Variants in PECAM1 observed in about 807,000 individuals in gnomAD.
PECAM1 encodes platelet and endothelial cell adhesion molecule 1.
In PECAM1, 8 loss-of-function variants were observed where a neutral mutation model predicts 13.8. The observed-to-expected ratio is 0.58, with a 90% CI of 0.34 to 1.05. PECAM1 has a LOEUF of 1.05. PECAM1 is among the 50% of genes least tolerant of loss of function. The probability of loss-of-function intolerance (pLI) is 0.03; values close to 1 mark genes in which losing one functional copy is unlikely to be tolerated. For synonymous variants in PECAM1, 136 were observed against 52.6 expected (o/e 2.58, Z -6.86); for missense variants, 304 against 141.2 (o/e 2.15, Z -5.84).
chr17:64,353,971 G>A (rs2035792359), intron 9 of PECAM1, among the ~76,000 whole-genome samples: 1 of 141,354 alleles, frequency 7.1e-6, no homozygotes, highest in Non-Finnish European at 1.5e-5. Flanking sequence ...ACAGAGTCTT[G>A]CTCTGTTGCC....
Position 64,322,350 on chromosome 17 carries a change from C to T in PECAM1, c.*1466G>A. On this transcript the variant is annotated 3_prime_UTR_variant, in exon 16 of 16. Coordinates refer to ENST00000563924, the MANE Select transcript of PECAM1 (RefSeq NM_000442.5). ...GCAGTGAGCAGAGGTTGCGCCGCTG[C>T]AGTCCAGCCCGGGCAACAAGAGCGA... The T allele has an allele frequency of 1.1e-6, 1 of 906,878 alleles. No individual in the cohort carries two copies. The highest frequency in any genetic ancestry group is 1.3e-6 in the Non-Finnish European group (1 of 757,840). The allele number at this position is 906,878 out of a possible 1,614,324, so 56.2% of individuals were successfully genotyped here. A position where few individuals can be genotyped will look rare whatever the true frequency, so the allele number is the denominator to read the frequency against.
chr17:64,365,509 C>T (rs1269398351), intron 5 of PECAM1, among the ~76,000 whole-genome samples: 48 of 151,298 alleles, frequency 3.2e-4, no homozygotes, highest in Non-Finnish European at 5.5e-4. Flanking sequence ...GAGCCCGCAT[C>T]ACCAAGTCAA....
At position 64,356,252 on chromosome 17, in the gene PECAM1, G is replaced by T; in HGVS notation, c.1639C>A (p.Gln547Lys). 1 of 474,976 alleles carries T rather than the reference G, an allele frequency of 2.1e-6. No individual in the cohort carries two copies. Among genetic ancestry groups the T allele is most frequent in the South Asian group, 6.7e-5 (1 of 14,854 alleles). 29.4% of individuals were successfully genotyped at this position (474,976 alleles called of 1,614,324 possible). The change falls in exon 8 of 16, where the codon CAA (glutamine) becomes AAA (lysine). Residue 547 changes from glutamine (Q) to lysine (K), a missense_variant. Coordinates refer to ENST00000563924, the MANE Select transcript of PECAM1 (RefSeq NM_000442.5). ...GCCTGGGTGGCATTTGAGGTCATTTGATAGAAGGGTTTGCCCTCTTTTTCT... is the reference window on the plus strand; with the variant it reads ...GCCTGGGTGGCATTTGAGGTCATTTTATAGAAGGGTTTGCCCTCTTTTTCT... ...YREKEGKPFY[Q>K]MTSNATQAFW...
In PECAM1 at chr17:64,322,026, C is replaced by G. The variant is rs2034819386; in HGVS notation, c.*1790G>C. The G allele has an allele frequency of 8.3e-7, 1 of 1,202,350 alleles. No homozygotes were observed. Among genetic ancestry groups the G allele is most frequent in the South Asian group, 1.5e-5 (1 of 68,754 alleles). 74.5% of individuals were successfully genotyped at this position (1,202,350 alleles called of 1,614,324 possible). A position where few individuals can be genotyped will look rare whatever the true frequency, so the allele number is the denominator to read the frequency against. ...ATTGTATGACATTTTCGTGATACAA[C>G]TCGGTGTGTGTGTGTTGGGGAAAGG... On this transcript the variant is annotated 3_prime_UTR_variant, in exon 16 of 16. Transcript: ENST00000563924.
Position 64,324,507 on chromosome 17 carries a change from C to T in PECAM1, c.2188-662G>A, listed in dbSNP as rs564939765. ...AAGCACCCATGTACGCCCAGCACAG[C>T]GTCCCAAGGGTGCCCCACTTACCCA... On this transcript the variant is annotated intron_variant, in intron 15 of 15. Coordinates refer to ENST00000563924, the MANE Select transcript of PECAM1 (RefSeq NM_000442.5). Among the ~76,000 whole-genome samples, 40 of 152,336 alleles carry T rather than the reference C, an allele frequency of 2.6e-4. No homozygotes were observed. The South Asian group carries it at 7.9e-3, about 30-fold the overall frequency.
At chr17:64,359,845 T>G (rs1487341625) in intron 7 of PECAM1, among the ~76,000 whole-genome samples, 2 of 151,954 alleles carry the variant, frequency 1.3e-5, no homozygotes, top group Non-Finnish European at 2.9e-5. Flanking sequence ...CTCTGCTTCC[T>G]GGGTTCAAGC....
At chr17:64,367,440 C>T (rs1032859224) in intron 5 of PECAM1, among the ~76,000 whole-genome samples, 3,942 of 151,766 alleles carry the variant, frequency 0.026, 70 homozygotes, top group Non-Finnish European at 0.041. Flanking sequence ...ATCCCAGCTA[C>T]TCGGGAGGCT....
intron 4 of PECAM1, among the ~76,000 whole-genome samples, chr17:64,374,802 ACCAAGCCAAAC>A (rs2036321196): frequency 2.0e-5 from 3 of 152,042 alleles, no homozygotes; most frequent in Non-Finnish European, 4.4e-5. Flanking sequence ...AACCCCAAAA[ACCAAGCCAAAC>A]AAACAAAAAG....
Position 64,321,563 on chromosome 17 carries a change from G to A in PECAM1, c.*2253C>T. 1.7e-6 allele frequency: 1 copy of A among 576,038 alleles called. No individual in the cohort carries two copies. Among genetic ancestry groups the A allele is most frequent in the Non-Finnish European group, 2.3e-6 (1 of 434,124 alleles). 35.7% of individuals were successfully genotyped at this position (576,038 alleles called of 1,614,324 possible). A position where few individuals can be genotyped will look rare whatever the true frequency, so the allele number is the denominator to read the frequency against. On this transcript the variant is annotated 3_prime_UTR_variant, in exon 16 of 16. Transcript: ENST00000563924. ...ACTTGAGCCCAGAAGTTCGAGACCAGCCTGGGCACCATGGTGAAACCTCAT... is the reference window on the plus strand; with the variant it reads ...ACTTGAGCCCAGAAGTTCGAGACCAACCTGGGCACCATGGTGAAACCTCAT...
At chr17:64,351,872 C>T (rs1262737681) in intron 11 of PECAM1, among the ~76,000 whole-genome samples, 2 of 152,220 alleles carry the variant, frequency 1.3e-5, no homozygotes, top group Non-Finnish European at 2.9e-5. Flanking sequence ...GGACTGGCTA[C>T]TCATTCAGCT....
At position 64,363,205 on chromosome 17, in the gene PECAM1, G is replaced by A. The variant is rs1478719019; in HGVS notation, c.1160C>T (p.Thr387Ile). 1 of 475,290 alleles carries A rather than the reference G, an allele frequency of 2.1e-6. No homozygotes were observed. The highest frequency in any genetic ancestry group is 3.9e-6 in the Non-Finnish European group (1 of 259,056). The allele number at this position is 475,290 out of a possible 1,614,324, so 29.4% of individuals were successfully genotyped here. The change falls in exon 6 of 16, where the codon ACT becomes ATT. Residue 387 changes from threonine (T) to isoleucine (I), a missense_variant. Transcript: ENST00000563924. ...SKSDSGTYIC[T>I]AGIDKVVKKS... ...CTTGACCACTTTGTCAATACCTGCA[G>A]TGCAGATATACGTCCCACTGTCCGA...
In PECAM1 at chr17:64,321,341, G is replaced by C. The variant is rs1010802310; in HGVS notation, c.*2475C>G. The C allele has an allele frequency of 6.3e-6, 5 of 791,254 alleles. No homozygotes were observed. The African/African-American group carries it at 7.5e-5, about 12-fold the overall frequency. The allele number at this position is 791,254 out of a possible 1,614,324, so 49.0% of individuals were successfully genotyped here. On this transcript the variant is annotated 3_prime_UTR_variant, in exon 16 of 16. Coordinates refer to ENST00000563924, the MANE Select transcript of PECAM1 (RefSeq NM_000442.5). ...GGGGTTACGGCAGCTGCCGAGGAAG[G>C]CTAAAGCCAGCGTCCTGGATTCAGA...
intron 4 of PECAM1, among the ~76,000 whole-genome samples, chr17:64,374,263 G>A (rs1239193787): frequency 6.6e-6 from 1 of 152,156 alleles, no homozygotes; most frequent in Non-Finnish European, 1.5e-5. Flanking sequence ...GCCGAGGTGA[G>A]TAGATCATCT....
At chr17:64,374,595 C>T (rs924157082) in intron 4 of PECAM1, among the ~76,000 whole-genome samples, 6 of 152,114 alleles carry the variant, frequency 3.9e-5, no homozygotes, top group Admixed American at 3.9e-4. Context: ...ACCAGCCTGG[C>T]CAACATGACG....
chr17:64,370,153 C>T (rs2036208210), intron 4 of PECAM1, 128 bp from the exon 5 acceptor site: 1 of 397,252 alleles, frequency 2.5e-6, no homozygotes, highest in Non-Finnish European at 4.4e-6. Flanking sequence ...AAAATTCAAC[C>T]TTTCTTCTCT....
In PECAM1 at chr17:64,358,111, C is replaced by CTTTTTTTT. The variant is rs141671796; in HGVS notation, c.1493-1721_1493-1714dup. 3.8e-3 allele frequency among the ~76,000 whole-genome samples: 273 copies of CTTTTTTTT among 71,554 alleles called. 33 individuals carry two copies. The highest frequency in any genetic ancestry group is 0.021 in the Middle Eastern group (1 of 48). 46.9% of individuals were successfully genotyped at this position (71,554 alleles called of 152,430 possible). The stretch of plus-strand genomic sequence containing the variant: ...TCCAGCCATCTGATTTGGCCACAGT[C>CTTTTTTTT]TTTTTTTTTTTTTTTTTTTTTTTTT... On this transcript the variant is annotated intron_variant, in intron 7 of 15. Coordinates refer to ENST00000563924, the MANE Select transcript of PECAM1 (RefSeq NM_000442.5).
At chr17:64,378,383 T>C (rs2036410256) in intron 2 of PECAM1, among the ~76,000 whole-genome samples, 1 of 152,156 alleles carries the variant, frequency 6.6e-6, no homozygotes, top group African/African-American at 2.4e-5. Flanking sequence ...GGCTCACGCC[T>C]ATAATCCCAG....
chr17:64,372,277 G>A (rs2036259053), intron 4 of PECAM1, among the ~76,000 whole-genome samples: 1 of 152,014 alleles, frequency 6.6e-6, no homozygotes, highest in Non-Finnish European at 1.5e-5. Context: ...GAAAAAGTTT[G>A]TTGGTAAGGA....
chr17:64,358,111 CTTTTTTT>C (rs141671796), intron 7 of PECAM1, among the ~76,000 whole-genome samples: 4 of 71,534 alleles, frequency 5.6e-5, no homozygotes, highest in South Asian at 7.4e-4. Flanking sequence ...TGGCCACAGT[CTTTTTTT>C]TTTTTTTTTT....
Sources: allele counts gnomAD v4.1 joint callset (sites outside exome capture counted in the v4.1 genomes callset), GRCh38; gene constraint gnomAD v4.1.1; transcripts MANE v1.5; gene names NCBI Gene and HGNC (gene_info 2026-07-23, HGNC 2026-07-21).